The following SIPA1L2 variants were observed in gnomAD, a reference collection of about 807,000 sequenced individuals.
The protein encoded by SIPA1L2 is signal induced proliferation associated 1 like 2.
In SIPA1L2, 56 loss-of-function variants were observed where a neutral mutation model predicts 163.9. The ratio of observed to expected loss-of-function variants is 0.34; its 90% CI spans 0.28 to 0.43. The LOEUF (loss-of-function observed/expected upper bound fraction) is 0.43. SIPA1L2 is among the 20% of genes least tolerant of loss of function. The probability of loss-of-function intolerance (pLI) is 1.00; values close to 1 mark genes in which losing one functional copy is unlikely to be tolerated. For synonymous variants in SIPA1L2, 877 were observed against 865.7 expected, an observed-to-expected ratio of 1.01 and a Z score of -0.23; for missense variants, 1,974 against 2,193.5, an observed-to-expected ratio of 0.90 and a Z score of 2.00.
intron 2 of SIPA1L2, among the ~76,000 whole-genome samples, chr1:232,551,856 T>A (rs10910556): frequency 0.1 from 15,281 of 152,254 alleles, 1,409 homozygotes; most frequent in East Asian, 0.43. Flanking sequence ...ATTTTCCCCA[T>A]GAGAAGAAGT....
intron 16 of SIPA1L2, among the ~76,000 whole-genome samples, chr1:232,429,050 T>C (rs1199094524): frequency 1.3e-5 from 2 of 152,296 alleles, no homozygotes; most frequent in African/African-American, 4.8e-5. Context: ...AAGCATGTTT[T>C]ATTATCAGCA....
At position 232,515,449 on chromosome 1, in the gene SIPA1L2, T is replaced by C. The variant is rs1667179938; in HGVS notation, c.-110A>G. The C allele has an allele frequency of 8.2e-7, 1 of 1,221,372 alleles. No homozygotes were observed. 75.7% of individuals were successfully genotyped at this position (1,221,372 alleles called of 1,614,324 possible). A position where few individuals can be genotyped will look rare whatever the true frequency, so the allele number is the denominator to read the frequency against. The stretch of plus-strand genomic sequence containing the variant: ...GCAGATATAAAGGCTTTGTCTGTAG[T>C]TGTATTTTTTCTTTTCTTAGCCCAA... On this transcript the variant is annotated 5_prime_UTR_variant, in exon 3 of 23. Coordinates refer to ENST00000674635, the MANE Select transcript of SIPA1L2 (RefSeq NM_020808.5).
intron 2 of SIPA1L2, among the ~76,000 whole-genome samples, chr1:232,572,730 C>CACACATAT (rs1659828057): frequency 9.5e-5 from 2 of 20,964 alleles, no homozygotes; most frequent in African/African-American, 5.3e-4. Flanking sequence ...CACATATATA[C>CACACATAT]ATACATACAT....
intron 4 of SIPA1L2, among the ~76,000 whole-genome samples, chr1:232,492,827 G>GT (rs1344587632): frequency 1.3e-5 from 2 of 152,174 alleles, no homozygotes; most frequent in Non-Finnish European, 2.9e-5. Flanking sequence ...GACTTGCTTT[G>GT]TCTCAGATGA....
intron 15 of SIPA1L2, among the ~76,000 whole-genome samples, chr1:232,436,472 C>T (rs1169602094): frequency 1.3e-5 from 2 of 152,134 alleles, no homozygotes; most frequent in Non-Finnish European, 1.5e-5. Context: ...CCGGTCAGTT[C>T]CTGAAAGTTT....
chr1:232,456,463 G>A (rs1031207802), intron 10 of SIPA1L2, among the ~76,000 whole-genome samples: 4 of 152,060 alleles, frequency 2.6e-5, no homozygotes, highest in Non-Finnish European at 4.4e-5. Context: ...ATAGAAAAAT[G>A]CCTTGGATAG....
intron 12 of SIPA1L2, among the ~76,000 whole-genome samples, chr1:232,442,552 G>GAAAAAAAAAA (rs59025710): frequency 6.3e-4 from 47 of 74,704 alleles, no homozygotes; most frequent in African/African-American, 2.2e-3. Context: ...CATCTCAAAA[G>GAAAAAAAAAA]AAAAAAAAAA....
At chr1:232,419,095 A>AT (rs1305319143) in intron 18 of SIPA1L2, among the ~76,000 whole-genome samples, 1 of 152,212 alleles carries the variant, frequency 6.6e-6, no homozygotes, top group East Asian at 1.9e-4. Flanking sequence ...TTGGTGGCAC[A>AT]TTTGGGGGAG....
chr1:232,432,503 C>A, intron 15 of SIPA1L2, 32 bp from the exon 16 acceptor site: 1 of 1,586,776 alleles, frequency 6.3e-7, no homozygotes. Context: ...AGCTGCAATA[C>A]AATCTGATTT....
intron 10 of SIPA1L2, among the ~76,000 whole-genome samples, chr1:232,450,896 T>A (rs921915170): frequency 6.6e-6 from 1 of 152,164 alleles, no homozygotes; most frequent in Non-Finnish European, 1.5e-5. Context: ...ATCCATTAAG[T>A]TGAAGAGAGA....
At chr1:232,403,864 C>G (rs1660490065) in intron 20 of SIPA1L2, among the ~76,000 whole-genome samples, 1 of 152,144 alleles carries the variant, frequency 6.6e-6, no homozygotes, top group African/African-American at 2.4e-5. Flanking sequence ...TTTCCACATC[C>G]CAAGAAATGC....
At chr1:232,411,192 C>T (rs1660935125) in intron 19 of SIPA1L2, among the ~76,000 whole-genome samples, 1 of 152,166 alleles carries the variant, frequency 6.6e-6, no homozygotes, top group African/African-American at 2.4e-5. Context: ...TTACAGGAAA[C>T]CAAGTTCTTT....
chr1:232,505,641 C>T (rs1411685481), intron 3 of SIPA1L2, among the ~76,000 whole-genome samples: 3 of 152,134 alleles, frequency 2.0e-5, no homozygotes, highest in African/African-American at 2.4e-5. Flanking sequence ...AGAGAGAAAG[C>T]CCCGGTGTTT....
At position 232,546,972 on chromosome 1, in the gene SIPA1L2, G is replaced by A. The variant is rs191437686; in HGVS notation, c.-270+27202C>T. Among the ~76,000 whole-genome samples, 28 of 152,282 alleles carry A rather than the reference G, an allele frequency of 1.8e-4. No individual in the cohort carries two copies. The East Asian group carries it at 4.1e-3, about 22-fold the overall frequency. Reference sequence around the variant, plus strand: ...AGAAGGAGCGGCTGGCAAAATTAAAGCATGACAGAGCACTGGGAAATTGTA... The same window carrying A: ...AGAAGGAGCGGCTGGCAAAATTAAAACATGACAGAGCACTGGGAAATTGTA... On this transcript the variant is annotated intron_variant, in intron 2 of 22. Transcript: ENST00000674635.
At chr1:232,497,956 C>T (rs939657976) in intron 3 of SIPA1L2, among the ~76,000 whole-genome samples, 5 of 152,196 alleles carry the variant, frequency 3.3e-5, no homozygotes, top group Non-Finnish European at 7.3e-5. Flanking sequence ...CACACTCCAC[C>T]GTTCATGGAA....
intron 1 of SIPA1L2, among the ~76,000 whole-genome samples, chr1:232,600,691 C>T (rs1442228616): frequency 6.6e-6 from 1 of 152,152 alleles, no homozygotes; most frequent in Non-Finnish European, 1.5e-5. Context: ...ACAATGGTCA[C>T]CATGCACCTT....
intron 5 of SIPA1L2, among the ~76,000 whole-genome samples, chr1:232,487,168 C>T (rs1460903400): frequency 6.6e-6 from 1 of 152,182 alleles, no homozygotes; most frequent in Non-Finnish European, 1.5e-5. Flanking sequence ...GGATCCAACC[C>T]ACGTCCCATT....
chr1:232,594,510 G>A (rs750051787), intron 1 of SIPA1L2, among the ~76,000 whole-genome samples: 2 of 152,110 alleles, frequency 1.3e-5, no homozygotes, highest in Non-Finnish European at 2.9e-5. Flanking sequence ...GCTCTGTCTG[G>A]AGTAGCTATG....
chr1:232,399,758 A>G (rs1311851445), intron 22 of SIPA1L2, among the ~76,000 whole-genome samples: 1 of 152,224 alleles, frequency 6.6e-6, no homozygotes, highest in Non-Finnish European at 1.5e-5. Flanking sequence ...CTGCTATTAA[A>G]AACTGTGTAA....
Sources: allele counts gnomAD v4.1 joint callset (sites outside exome capture counted in the v4.1 genomes callset), GRCh38; gene constraint gnomAD v4.1.1; transcripts MANE v1.5; gene names NCBI Gene and HGNC (gene_info 2026-07-23, HGNC 2026-07-21).